XPNPEP2: variants seen among roughly 807,000 people sequenced by gnomAD.
XPNPEP2 encodes X-prolyl aminopeptidase 2, also known as xaa-Pro aminopeptidase 2.
Under a neutral mutation model 59.8 loss-of-function variants are expected in XPNPEP2, and 64 were observed. The observed-to-expected ratio is 1.07, with a 90% CI of 0.87 to 1.32. The LOEUF (loss-of-function observed/expected upper bound fraction) is 1.32. Ranked by LOEUF, XPNPEP2 falls within the 40% of genes most tolerant of loss-of-function variation. The probability of loss-of-function intolerance (pLI) is 0.00; values close to 1 mark genes in which losing one functional copy is unlikely to be tolerated. For missense variants in XPNPEP2, 575 were observed against 546.8 expected, an observed-to-expected ratio of 1.05 and a Z score of -0.51; for synonymous variants, 235 against 210.0, an observed-to-expected ratio of 1.12 and a Z score of -1.03.
chrX:129,760,604 G>A, intron 16 of XPNPEP2, 23 bp downstream of exon 16: 1 of 1,203,540 alleles, frequency 8.3e-7, no homozygotes. Flanking sequence ...AACCAGTCTG[G>A]ACACAGCCTC....
chrX:129,741,175 G>A (rs1602893894), intron 1 of XPNPEP2, among the ~76,000 whole-genome samples: 1 of 103,250 alleles, frequency 9.7e-6, no homozygotes, highest in East Asian at 3.7e-4. Flanking sequence ...TGAATATTGG[G>A]GGGGGGTCAC....
At chrX:129,742,807 CAGA>C (rs943020029) in intron 2 of XPNPEP2, among the ~76,000 whole-genome samples, 1 of 112,009 alleles carries the variant, frequency 8.9e-6, no homozygotes, top group African/African-American at 3.3e-5. Flanking sequence ...GAGGCTAAGG[CAGA>C]AGAATTGCTT....
chrX:129,761,992 G>A lies in XPNPEP2; in HGVS notation c.1604-14G>A. 1.7e-6 allele frequency: 2 copies of A among 1,210,893 alleles called. No individual in the cohort carries two copies. The highest frequency in any genetic ancestry group is 1.7e-5 in the African/African-American group (1 of 57,815). On this transcript the variant is annotated splice_polypyrimidine_tract_variant and intron_variant, in intron 17 of 20. Coordinates refer to ENST00000371106, the MANE Select transcript of XPNPEP2 (RefSeq NM_003399.6). ...ATAGGAGAACTGATACCATGTTTAT[G>A]TCTTCCTTTCTAGGGCCAGTGGGAT... is the stretch of plus-strand genomic sequence containing the variant.
intron 19 of XPNPEP2, 22 bp from the exon 20 acceptor site, chrX:129,767,581 G>A (rs376381421): frequency 5.2e-5 from 62 of 1,203,652 alleles, no homozygotes; most frequent in African/African-American, 3.2e-4. Context: ...CTGCTTACCC[G>A]GCTTCTATTC....
At chrX:129,767,723 G>A (rs981633102) in intron 20 of XPNPEP2, 31 bp downstream of exon 20, 30 of 1,192,981 alleles carry the variant, frequency 2.5e-5, no homozygotes, top group Middle Eastern at 2.3e-4. Context: ...CCTTCTCCCT[G>A]ACCCTGGGCC....
At chrX:129,749,088 G>T (rs1926349534) in intron 7 of XPNPEP2, among the ~76,000 whole-genome samples, 1 of 112,324 alleles carries the variant, frequency 8.9e-6, no homozygotes, top group African/African-American at 3.2e-5. Flanking sequence ...TCTCAGAAAG[G>T]TATCATATTC....
Position 129,763,107 on chromosome X carries a change from G to C in XPNPEP2, c.1740+337G>C, listed in dbSNP as rs374670731. Among the ~76,000 whole-genome samples the C allele has an allele frequency of 1.4e-3, 155 of 111,452 alleles. 1 individual carries two copies. The South Asian group carries it at 0.055, about 40-fold the overall frequency. ...GAAATAAAGATTCTGTATAATAGCAGCCAACAAGATAAAATACCTAGATGT... is the reference window on the plus strand; with the variant it reads ...GAAATAAAGATTCTGTATAATAGCACCCAACAAGATAAAATACCTAGATGT... On this transcript the variant is annotated intron_variant, in intron 19 of 20. Coordinates refer to ENST00000371106, the MANE Select transcript of XPNPEP2 (RefSeq NM_003399.6).
intron 20 of XPNPEP2, 88 bp downstream of exon 20, chrX:129,767,780 C>T (rs1926779681): frequency 1.0e-6 from 1 of 1,001,225 alleles, no homozygotes; most frequent in Non-Finnish European, 1.4e-6. Context: ...CCCTGCCCCT[C>T]CTCCAGGAGG....
At position 129,739,249 on chromosome X, in the gene XPNPEP2, G is replaced by A. The variant is rs140608748; in HGVS notation, c.36G>A (p.Leu12=). 233 of 1,207,647 alleles carry A rather than the reference G, an allele frequency of 1.9e-4. No individual in the cohort carries two copies. The highest frequency in any genetic ancestry group is 2.5e-4 in the Non-Finnish European group (223 of 894,988). ...CTCACTGGGGCTGCTGCCCCTGGCTGGTCCTCCTCTGTGGTATGTGCATCC... is the reference window on the plus strand; with the variant it reads ...CTCACTGGGGCTGCTGCCCCTGGCTAGTCCTCCTCTGTGGTATGTGCATCC... The part of the protein sequence containing the change: ...ARAHWGCCPW[L]VLLCACAWGH... Residue 12 remains leucine (L), a synonymous_variant, in exon 1 of 21, where the codon CTG becomes CTA. Transcript: ENST00000371106.
rs183806432 is a variant in XPNPEP2 at position 129,761,311 on chromosome X, C to T, written c.1603+35C>T. On this transcript the variant is annotated intron_variant, in intron 17 of 20. Transcript: ENST00000371106. ...TCCTCAGCACTCCCCAGGCCACCCC[C>T]CTTTTATTATACCCTCTATGAAGGT... 7.1e-4 allele frequency: 774 copies of T among 1,094,107 alleles called. 3 individuals carry two copies. The African/African-American group carries it at 0.012, about 17-fold the overall frequency. 90.2% of individuals were successfully genotyped at this position (1,094,107 alleles called of 1,213,427 possible). A position where few individuals can be genotyped will look rare whatever the true frequency, so the allele number is the denominator to read the frequency against.
chrX:129,739,461 C>A (rs1191626958), intron 1 of XPNPEP2, among the ~76,000 whole-genome samples, 199 bp downstream of exon 1: 1 of 111,635 alleles, frequency 9.0e-6, no homozygotes, highest in Non-Finnish European at 1.9e-5. Flanking sequence ...TTCCATTCCC[C>A]CCGTTATAGA....
At chrX:129,761,925 T>C in intron 17 of XPNPEP2, 81 bp from the exon 18 acceptor site, 2 of 1,005,032 alleles carry the variant, frequency 2.0e-6, no homozygotes. Context: ...TCCTCACTTA[T>C]CTGCTCTTCC....
chrX:129,756,494 GAGCTGAACCGCA>G lies in XPNPEP2; in HGVS notation c.1312_1323del (p.Asn438_Leu441del), dbSNP rs1162022550. Reference sequence around the variant, plus strand: ...CTCTCCCCTTCTCAGCCCGACCAAGGAGCTGAACCGCAAGCTGTCCTCAGATGAGATGTACCT... The same window carrying G: ...CTCTCCCCTTCTCAGCCCGACCAAGGAGCTGTCCTCAGATGAGATGTACCT... On this transcript the variant is annotated inframe_deletion, in exon 14 of 21. Coordinates refer to ENST00000371106, the MANE Select transcript of XPNPEP2 (RefSeq NM_003399.6). The G allele has an allele frequency of 5.8e-6, 7 of 1,209,493 alleles. No individual in the cohort carries two copies. Among genetic ancestry groups the G allele is most frequent in the Non-Finnish European group, 6.7e-6 (6 of 894,994 alleles).
chrX:129,767,344 G>T (rs1926768833), intron 19 of XPNPEP2, among the ~76,000 whole-genome samples: 1 of 112,547 alleles, frequency 8.9e-6, no homozygotes, highest in Non-Finnish European at 1.9e-5. Flanking sequence ...CTGTTGATGT[G>T]CGTACTTTGA....
intron 5 of XPNPEP2, 52 bp downstream of exon 5, chrX:129,746,392 T>C: frequency 8.9e-7 from 1 of 1,117,709 alleles, no homozygotes; most frequent in Non-Finnish European, 1.2e-6. Context: ...TGGACTAGGT[T>C]CAGGAAGGTA....
intron 14 of XPNPEP2, among the ~76,000 whole-genome samples, chrX:129,758,760 C>A (rs1926603047): frequency 8.9e-6 from 1 of 112,056 alleles, no homozygotes; most frequent in African/African-American, 3.2e-5. Flanking sequence ...CGACAACTAT[C>A]TGAATATGAG....
intron 15 of XPNPEP2, among the ~76,000 whole-genome samples, chrX:129,760,107 A>C (rs1926628546): frequency 8.9e-6 from 1 of 112,413 alleles, no homozygotes; most frequent in Admixed American, 9.4e-5. Context: ...CAACCTTAGG[A>C]GCTAGGTCCT....
intron 14 of XPNPEP2, 39 bp from the exon 15 acceptor site, chrX:129,759,141 G>A: frequency 8.3e-7 from 1 of 1,208,849 alleles, no homozygotes; most frequent in Non-Finnish European, 1.1e-6. Flanking sequence ...CCAGTCCCTA[G>A]CCCCAGGCAT....
Position 129,742,180 on chromosome X carries a change from C to A in XPNPEP2, c.122C>A (p.Pro41His). Reference sequence around the variant, plus strand: ...GTGAGAAACTGTTCCACCAACCCCCCTGTGAGTGCCCCCTGCCCCCCGCGC... The same window carrying A: ...GTGAGAAACTGTTCCACCAACCCCCATGTGAGTGCCCCCTGCCCCCCGCGC... ...QDVRNCSTNP[P>H]YLPVTVVNTT... Residue 41 changes from proline to histidine, a missense_variant and splice_region_variant, in exon 2 of 21, where the codon CCT (proline) becomes CAT (histidine). Transcript: ENST00000371106. 2 of 1,180,635 alleles carry A rather than the reference C, an allele frequency of 1.7e-6. No homozygotes were observed. The highest frequency in any genetic ancestry group is 2.3e-6 in the Non-Finnish European group (2 of 874,674).
Sources: gnomAD v4.1 joint callset for allele counts (sites outside exome capture counted in the v4.1 genomes callset) on GRCh38, gnomAD v4.1.1 for gene constraint, MANE v1.5 for transcripts, NCBI Gene and HGNC (gene_info 2026-07-23, HGNC 2026-07-21) for gene names.